Variants in RYR3 observed in about 807,000 individuals in gnomAD.
The protein encoded by RYR3 is ryanodine receptor 3, also known as brain ryanodine receptor-calcium release channel.
In RYR3, 207 loss-of-function variants were observed where a neutral mutation model predicts 584.3. The observed-to-expected ratio is 0.35, with a 90% CI of 0.32 to 0.40. RYR3 has a LOEUF of 0.40. Ranked by LOEUF, RYR3 falls within the 10% of genes least tolerant of loss-of-function variation. The pLI is 1.00. For missense variants in RYR3, 5,616 were observed against 6,089.2 expected (o/e 0.92, Z 2.59); for synonymous variants, 2,416 against 2,248.5 (o/e 1.07, Z -2.11).
At chr15:33,857,675 T>C in intron 98 of RYR3, 105 bp from the exon 99 acceptor site, 1 of 1,439,764 alleles carries the variant, frequency 6.9e-7, no homozygotes, top group Middle Eastern at 1.8e-4. Context: ...TTTCCTCTCC[T>C]TGCCCGTCCT....
chr15:33,608,074 T>C (rs918029377), intron 18 of RYR3, among the ~76,000 whole-genome samples: 1 of 152,230 alleles, frequency 6.6e-6, no homozygotes, highest in African/African-American at 2.4e-5. Flanking sequence ...TCTTAAGTGG[T>C]ACACAGGACA....
chr15:33,749,604 A>T (rs1268803580), intron 55 of RYR3, among the ~76,000 whole-genome samples: 1 of 152,164 alleles, frequency 6.6e-6, no homozygotes, highest in Non-Finnish European at 1.5e-5. Context: ...CGGGGGTTCT[A>T]GACTTTTCTT....
chr15:33,336,445 AGAGAGAGAGAGAGAGAGAGAGAG>A (rs1971013326), intron 1 of RYR3, among the ~76,000 whole-genome samples: 4 of 9,694 alleles, frequency 4.1e-4, no homozygotes, highest in African/African-American at 3.4e-3. Context: ...AAAGAAAGAG[AGAGAGAGAGAGAGAGAGAGAGAG>A]AGAGAGAGAG....
intron 1 of RYR3, among the ~76,000 whole-genome samples, chr15:33,436,182 T>C (rs754169441): frequency 1.3e-5 from 2 of 152,226 alleles, no homozygotes; most frequent in Non-Finnish European, 2.9e-5. Flanking sequence ...ATTGCCACCA[T>C]AAGTATATGA....
At chr15:33,469,514 G>A (rs552592820) in intron 1 of RYR3, among the ~76,000 whole-genome samples, 2 of 151,950 alleles carry the variant, frequency 1.3e-5, no homozygotes, top group Admixed American at 1.3e-4. Flanking sequence ...CCCATTTGCT[G>A]TGATACAGGA....
At chr15:33,567,679 G>C (rs955441285) in intron 12 of RYR3, among the ~76,000 whole-genome samples, 10 of 152,122 alleles carry the variant, frequency 6.6e-5, no homozygotes, top group Non-Finnish European at 1.2e-4. Flanking sequence ...TTGCTGCTCT[G>C]ACATCTCCCA....
chr15:33,378,357 A>C (rs2040905892), intron 1 of RYR3, among the ~76,000 whole-genome samples: 1 of 152,166 alleles, frequency 6.6e-6, no homozygotes, highest in Non-Finnish European at 1.5e-5. Flanking sequence ...ATCATTTTAA[A>C]CTTAACAGTG....
At chr15:33,579,255 C>T (rs1367993067) in intron 12 of RYR3, among the ~76,000 whole-genome samples, 1 of 151,960 alleles carries the variant, frequency 6.6e-6, no homozygotes, top group East Asian at 1.9e-4. Context: ...ACCACAGATA[C>T]AGAAAGTAAA....
At chr15:33,571,525 T>G (rs1223843543) in intron 12 of RYR3, among the ~76,000 whole-genome samples, 1 of 152,192 alleles carries the variant, frequency 6.6e-6, no homozygotes, top group African/African-American at 2.4e-5. Flanking sequence ...TTCTGATAAA[T>G]TTGCCCTTTT....
At chr15:33,604,462 G>A (rs16973185) in intron 18 of RYR3, among the ~76,000 whole-genome samples, 4,467 of 152,248 alleles carry the variant, frequency 0.029, 205 homozygotes, top group African/African-American at 0.095. Flanking sequence ...TAGGAGCCAT[G>A]TTGCATTCAG....
chr15:33,454,864 A>G (rs561187249), intron 1 of RYR3, among the ~76,000 whole-genome samples: 5 of 152,144 alleles, frequency 3.3e-5, no homozygotes, highest in Non-Finnish European at 7.4e-5. Flanking sequence ...GGCTATAGAG[A>G]AGAGGGCAGG....
rs1235504650 is a variant in RYR3, at chr15:33,731,665, T to C, written c.7395T>C (p.Thr2465=). Residue 2465 remains threonine, a synonymous_variant, in exon 48 of 104, where the codon ACT becomes ACC. Coordinates refer to ENST00000634891, the MANE Select transcript of RYR3 (RefSeq NM_001036.6). ...GRSLTKAQRD[T]IEECLLAICN... ...CCCTCACCAAAGCACAAAGGGACAC[T>C]ATAGAAGAATGTTTGCTTGCCATTT... 6.2e-7 allele frequency: 1 copy of C among 1,612,758 alleles called. No homozygotes were observed. The highest frequency in any genetic ancestry group is 8.5e-7 in the Non-Finnish European group (1 of 1,178,846).
chr15:33,816,044 C>G (rs2076797015), intron 74 of RYR3: 1 of 394,106 alleles, frequency 2.5e-6, no homozygotes, highest in Non-Finnish European at 4.5e-6. Flanking sequence ...AGGAAGAATT[C>G]TGATTGGTCA....
At chr15:33,626,844 G>T (rs1030970418) in intron 20 of RYR3, among the ~76,000 whole-genome samples, 1 of 152,170 alleles carries the variant, frequency 6.6e-6, no homozygotes, top group Non-Finnish European at 1.5e-5. Flanking sequence ...ATTGAGGTTT[G>T]GGAACCTCTA....
intron 3 of RYR3, among the ~76,000 whole-genome samples, chr15:33,515,135 T>G (rs188759203): frequency 5.9e-5 from 9 of 152,396 alleles, no homozygotes; most frequent in Non-Finnish European, 1.3e-4. Flanking sequence ...ATTTCCAGAA[T>G]TTGTTTTTGA....
At chr15:33,705,257 A>G (rs1377452668) in intron 42 of RYR3, among the ~76,000 whole-genome samples, 1 of 152,170 alleles carries the variant, frequency 6.6e-6, no homozygotes, top group African/African-American at 2.4e-5. Flanking sequence ...CTGAACTCTA[A>G]GCAGAATATT....
intron 1 of RYR3, among the ~76,000 whole-genome samples, chr15:33,470,560 C>A (rs1228949000): frequency 6.6e-6 from 1 of 151,942 alleles, no homozygotes; most frequent in Non-Finnish European, 1.5e-5. Context: ...TAGAGCAAAT[C>A]TAGTAAAAGT....
intron 1 of RYR3, among the ~76,000 whole-genome samples, chr15:33,447,576 G>T (rs2046775918): frequency 6.6e-6 from 1 of 152,172 alleles, no homozygotes; most frequent in African/African-American, 2.4e-5. Flanking sequence ...GAGACGATGG[G>T]CTTTTTCACA....
At chr15:33,578,585 C>A (rs974984161) in intron 12 of RYR3, among the ~76,000 whole-genome samples, 1 of 151,726 alleles carries the variant, frequency 6.6e-6, no homozygotes, top group African/African-American at 2.4e-5. Flanking sequence ...GGGAGGGGAA[C>A]AACACACACT....
Sources: allele counts gnomAD v4.1 joint callset (sites outside exome capture counted in the v4.1 genomes callset), GRCh38; gene constraint gnomAD v4.1.1; transcripts MANE v1.5; gene names NCBI Gene and HGNC (gene_info 2026-07-23, HGNC 2026-07-21).